The following SIPA1L3 variants were observed in gnomAD, a reference collection of about 807,000 sequenced individuals.
SIPA1L3 encodes signal-induced proliferation-associated 1-like protein 3.
SIPA1L3 carries 59 observed loss-of-function variants against 150.1 expected under a neutral mutation model. The observed-to-expected ratio is 0.39, with a 90% CI of 0.32 to 0.49. The LOEUF (loss-of-function observed/expected upper bound fraction) is 0.49, where lower values mean the gene tolerates loss of function less well. Ranked by LOEUF, SIPA1L3 falls within the 20% of genes least tolerant of loss-of-function variation. The pLI, the probability that SIPA1L3 is intolerant of heterozygous loss-of-function variation, is 0.86. For synonymous variants in SIPA1L3, 1,070 were observed against 1,077.6 expected (o/e 0.99, Z 0.14); for missense variants, 2,211 against 2,489.5 (o/e 0.89, Z 2.38).
intron 2 of SIPA1L3, among the ~76,000 whole-genome samples, chr19:38,073,087 C>G (rs149655945): frequency 0.014 from 2,162 of 152,298 alleles, 21 homozygotes; most frequent in Admixed American, 0.026. Context: ...CACATTCTAG[C>G]CAGTGGGACA....
At chr19:38,124,298 C>A (rs1971113841) in intron 9 of SIPA1L3, among the ~76,000 whole-genome samples, 1 of 150,510 alleles carries the variant, frequency 6.6e-6, no homozygotes, top group African/African-American at 2.5e-5. Flanking sequence ...GGCGGCCGGG[C>A]AGAGACGCTC....
At chr19:38,040,482 G>T (rs6508758) in intron 2 of SIPA1L3, among the ~76,000 whole-genome samples, 120,225 of 151,990 alleles carry the variant, frequency 0.79, 47,642 homozygotes, top group Admixed American at 0.84. Flanking sequence ...TGGGTAAGTG[G>T]CTGAGTAAAC....
intron 1 of SIPA1L3, chr19:37,964,476 TTCTG>T (rs1224579649): frequency 6.5e-6 from 1 of 153,642 alleles, no homozygotes; most frequent in African/African-American, 2.4e-5. Flanking sequence ...TAATAGTAAT[TTCTG>T]TCTTTCTTTT....
At chr19:37,953,833 C>T (rs370569054) in intron 1 of SIPA1L3, among the ~76,000 whole-genome samples, 3 of 152,282 alleles carry the variant, frequency 2.0e-5, no homozygotes, top group African/African-American at 7.2e-5. Context: ...GTTCCTACAG[C>T]TCAGCCACCA....
At chr19:38,152,441 C>T (rs1048293002) in intron 12 of SIPA1L3, among the ~76,000 whole-genome samples, 5 of 152,196 alleles carry the variant, frequency 3.3e-5, no homozygotes, top group African/African-American at 4.8e-5. Flanking sequence ...AACCTGCTGT[C>T]TCCATCAGAG....
intron 1 of SIPA1L3, among the ~76,000 whole-genome samples, chr19:37,974,047 G>T (rs977550549): frequency 1.8e-4 from 28 of 152,168 alleles, no homozygotes; most frequent in African/African-American, 6.8e-4. Context: ...CTTCCCCATT[G>T]TCCTGGTTGT....
chr19:38,152,564 G>A (rs1971846550), intron 12 of SIPA1L3, among the ~76,000 whole-genome samples: 1 of 152,188 alleles, frequency 6.6e-6, no homozygotes, highest in Non-Finnish European at 1.5e-5. Context: ...GTCGGCCCAA[G>A]CGGCCTCTGC....
intron 2 of SIPA1L3, among the ~76,000 whole-genome samples, chr19:38,044,428 G>A (rs796276743): frequency 1.3e-5 from 2 of 152,288 alleles, no homozygotes; most frequent in African/African-American, 4.8e-5. Flanking sequence ...AGGAATCAGC[G>A]AAGGAGGCTG....
At chr19:38,035,840 T>A (rs1266911595) in intron 2 of SIPA1L3, among the ~76,000 whole-genome samples, 1 of 152,136 alleles carries the variant, frequency 6.6e-6, no homozygotes, top group African/African-American at 2.4e-5. Flanking sequence ...GGAGGTTAGG[T>A]GGCTTAGTAA....
intron 1 of SIPA1L3, among the ~76,000 whole-genome samples, chr19:37,926,684 C>T (rs557932711): frequency 4.8e-4 from 73 of 152,232 alleles, no homozygotes; most frequent in African/African-American, 1.6e-3. Context: ...GCACTGGCCT[C>T]GGTCCTGTGG....
At chr19:38,139,654 C>G (rs1263423313) in intron 10 of SIPA1L3, among the ~76,000 whole-genome samples, 1 of 152,200 alleles carries the variant, frequency 6.6e-6, no homozygotes, top group East Asian at 1.9e-4. Context: ...GTGTCGGGCC[C>G]TGGGTGCCAG....
At chr19:37,954,437 A>C (rs1417314190) in intron 1 of SIPA1L3, among the ~76,000 whole-genome samples, 6 of 151,734 alleles carry the variant, frequency 4.0e-5, no homozygotes, top group African/African-American at 1.5e-4. Context: ...AGGTTTACAC[A>C]CCTCTCGGTC....
chr19:38,080,828 G>A (rs1436092971), intron 2 of SIPA1L3, among the ~76,000 whole-genome samples: 2 of 151,956 alleles, frequency 1.3e-5, no homozygotes, highest in African/African-American at 2.4e-5. Flanking sequence ...AAAATTAGCC[G>A]GGCATGGTAG....
chr19:38,196,605 G>T (rs941837338), intron 18 of SIPA1L3, among the ~76,000 whole-genome samples: 1 of 150,654 alleles, frequency 6.6e-6, no homozygotes, highest in Non-Finnish European at 1.5e-5. Context: ...GGAGCATGGA[G>T]GTCAAGGGCA....
intron 1 of SIPA1L3, among the ~76,000 whole-genome samples, chr19:37,981,381 G>T (rs1314589755): frequency 6.7e-6 from 1 of 149,194 alleles, no homozygotes; most frequent in African/African-American, 2.5e-5. Context: ...CTATGCTTGT[G>T]CCACTGTACT....
At chr19:38,011,779 G>T (rs913319636) in intron 1 of SIPA1L3, among the ~76,000 whole-genome samples, 1 of 152,152 alleles carries the variant, frequency 6.6e-6, no homozygotes, top group Non-Finnish European at 1.5e-5. Flanking sequence ...GGCTGTGGGT[G>T]GAGAATAGAA....
At chr19:38,039,275 T>C (rs974296978) in intron 2 of SIPA1L3, among the ~76,000 whole-genome samples, 4 of 152,098 alleles carry the variant, frequency 2.6e-5, no homozygotes, top group African/African-American at 7.2e-5. Context: ...TTTTATGAGC[T>C]GGTGTGTGTC....
chr19:37,924,551 G>A (rs1417589496), intron 1 of SIPA1L3, among the ~76,000 whole-genome samples: 1 of 151,378 alleles, frequency 6.6e-6, no homozygotes, highest in African/African-American at 2.4e-5. Flanking sequence ...AGTGGCAGGC[G>A]TCTGTAATCC....
At chr19:37,913,870 C>A (rs2046395128) in intron 1 of SIPA1L3, among the ~76,000 whole-genome samples, 1 of 151,528 alleles carries the variant, frequency 6.6e-6, no homozygotes, top group African/African-American at 2.4e-5. Context: ...CAAAAATTAG[C>A]CAGGTGTGGT....
Sources: allele counts gnomAD v4.1 joint callset (sites outside exome capture counted in the v4.1 genomes callset), GRCh38; gene constraint gnomAD v4.1.1; transcripts MANE v1.5; gene names NCBI Gene and HGNC (gene_info 2026-07-23, HGNC 2026-07-21).